The following SPTAN1 variants were observed in gnomAD, a reference collection of about 807,000 sequenced individuals.
The protein encoded by SPTAN1 is spectrin alpha, non-erythrocytic 1.
In SPTAN1, 61 loss-of-function variants were observed where a neutral mutation model predicts 331.3. The observed-to-expected ratio is 0.18, with a 90% CI of 0.15 to 0.23. The LOEUF is 0.23. SPTAN1 is among the 10% of genes least tolerant of loss of function. SPTAN1 has a pLI of 1.00. For missense variants in SPTAN1, 2,043 were observed against 3,147.9 expected (o/e 0.65, Z 8.40); for synonymous variants, 1,153 against 1,173.9 (o/e 0.98, Z 0.36).
chr9:128,627,142 C>T lies in SPTAN1; in HGVS notation c.6577-244C>T. On this transcript the variant is annotated intron_variant, in intron 49 of 56. Transcript: ENST00000372739. The surrounding 1 kb of genome is among the most constrained non-coding windows in gnomAD (Gnocchi z 4.9). ...GTTTCCATTTCTGACAGTCCAGCAA[C>T]TCCCTGCTTGACTGACCAGTCGCTT... 1 of 619,842 alleles carries T rather than the reference C, an allele frequency of 1.6e-6. No homozygotes were observed. The highest frequency in any genetic ancestry group is 3.0e-6 in the Non-Finnish European group (1 of 333,786). 38.4% of individuals were successfully genotyped at this position (619,842 alleles called of 1,614,324 possible).
chr9:128,618,949 G>A lies in SPTAN1; in HGVS notation c.5679G>A (p.Glu1893=). 1 of 1,614,112 alleles carries A rather than the reference G, an allele frequency of 6.2e-7. No individual in the cohort carries two copies. The highest frequency in any genetic ancestry group is 8.5e-7 in the Non-Finnish European group (1 of 1,179,992). The change falls in exon 44 of 57, where the codon GAG becomes GAA. Residue 1893 remains glutamate, a synonymous_variant. Transcript: ENST00000372739. ...NVEEEEAWIN[E]KMTLVASEDY... ...AAGAGGAAGAAGCCTGGATCAATGA[G>A]AAAATGACCCTGGTGGCCAGCGAAG...
chr9:128,612,341 C>A, intron 39 of SPTAN1, 95 bp downstream of exon 39: 4 of 1,501,182 alleles, frequency 2.7e-6, no homozygotes, highest in Non-Finnish European at 3.7e-6. Context: ...AAAGGCAGGG[C>A]TCACCAGACA....
rs76483781 is a variant in SPTAN1 at position 128,558,997 on chromosome 9, T to C, written c.-4+6301T>C. Among the ~76,000 whole-genome samples, 2,173 of 152,238 alleles carry C rather than the reference T, an allele frequency of 0.014. 114 individuals carry two copies. In the East Asian group the frequency reaches 0.2, roughly 14 times the overall value. On this transcript the variant is annotated intron_variant, in intron 1 of 56. Transcript: ENST00000372739. ...CCTGTCAGGTTAAGAGGGGGGAAAC[T>C]CTCACTAACCCATAATGTTTTTTGG...
At chr9:128,600,054 G>A (rs1331808880) in intron 26 of SPTAN1, 26 bp from the exon 27 acceptor site, 3 of 1,613,970 alleles carry the variant, frequency 1.9e-6, no homozygotes, top group Admixed American at 1.7e-5. Context: ...TTGCTTGGCT[G>A]CCTAAATTCC....
intron 3 of SPTAN1, among the ~76,000 whole-genome samples, chr9:128,571,291 G>T (rs117391729): frequency 6.9e-6 from 1 of 145,778 alleles, no homozygotes; most frequent in Non-Finnish European, 1.5e-5. Context: ...CTGGGAAAAA[G>T]AAAAAAAAAA....
Position 128,574,793 on chromosome 9 carries a change from T to C in SPTAN1, c.482T>C (p.Val161Ala), listed in dbSNP as rs1851116185. 16 of 1,614,036 alleles carry C rather than the reference T, an allele frequency of 9.9e-6. No individual in the cohort carries two copies. The highest frequency in any genetic ancestry group is 1.0e-5 in the Non-Finnish European group (12 of 1,179,940). ...LVQYLRECED[V>A]MDWINDKEAI... is the part of the protein sequence containing the mutation. The stretch of plus-strand genomic sequence containing the variant: ...CAGTACTTACGAGAATGTGAGGACG[T>C]GATGGACTGGATCAATGACAAGGCA... Residue 161 changes from valine to alanine, a missense_variant, in exon 4 of 57, where the codon GTG (valine) becomes GCG (alanine). Physicochemically the swap from Val to Ala is moderately conservative, Grantham distance 64. This residue lies in a region of SPTAN1 where 1,038 missense variants were observed against 1,531.5 expected (regional missense o/e 0.68). Transcript: ENST00000372739.
chr9:128,630,211 T>C (rs759585366), intron 51 of SPTAN1, 110 bp from the exon 52 acceptor site: 30 of 1,235,552 alleles, frequency 2.4e-5, no homozygotes, highest in Non-Finnish European at 3.6e-5. Flanking sequence ...TTTGGTTTCC[T>C]TAAAAGGAAT....
In SPTAN1 at chr9:128,576,916, G is replaced by A. The variant is rs756177348; in HGVS notation, c.745G>A (p.Gly249Arg). The A allele has an allele frequency of 6.2e-7, 1 of 1,614,042 alleles. No homozygotes were observed. Among genetic ancestry groups the A allele is most frequent in the Non-Finnish European group, 8.5e-7 (1 of 1,180,046 alleles). The part of the protein sequence containing the change: ...RLKGLALQRQ[G>R]KLFGAAEVQR... ...GAAGGGCCTGGCTCTGCAGAGGCAG[G>A]GGAAGCTCTTTGGGGCAGCAGAAGT... Residue 249 changes from glycine to arginine, a missense_variant, in exon 6 of 57, where the codon GGG (glycine) becomes AGG (arginine). Physicochemically the swap from Gly to Arg is moderately radical, Grantham distance 125. Transcript: ENST00000372739.
At position 128,584,679 on chromosome 9, in the gene SPTAN1, C is replaced by A. The variant is rs369412335; in HGVS notation, c.2438-42C>A. On this transcript the variant is annotated intron_variant, in intron 17 of 56. Transcript: ENST00000372739. ...GAATGACAAATCAGTGCTGACTTTT[C>A]TCTTCATGGTTGGATAACTGGGGAC... The A allele has an allele frequency of 1.3e-5, 21 of 1,614,198 alleles. No homozygotes were observed. In the South Asian group the frequency reaches 2.2e-4, roughly 17 times the overall value.
At position 128,612,129 on chromosome 9, in the gene SPTAN1, T is replaced by C. The variant is rs768791824; in HGVS notation, c.4926T>C (p.Ala1642=). The change falls in exon 39 of 57, where the codon GCT becomes GCC. Residue 1642 remains alanine, a synonymous_variant. Coordinates refer to ENST00000372739, the MANE Select transcript of SPTAN1 (RefSeq NM_001130438.3). ...CCCAGGCCCGCCTGGCTGCCTTAGC[T>C]GACCAGTGGCAGTTCTTGGTGCAAA... The part of the protein sequence containing the change: ...DAVKARLAAL[A]DQWQFLVQKS... 3 of 1,614,060 alleles carry C rather than the reference T, an allele frequency of 1.9e-6. No individual in the cohort carries two copies. Among genetic ancestry groups the C allele is most frequent in the Admixed American group, 3.3e-5 (2 of 59,996 alleles).
In SPTAN1 at chr9:128,586,122, T is replaced by G. The variant is rs572811873; in HGVS notation, c.2778+157T>G. The stretch of plus-strand genomic sequence containing the variant: ...TCCATTTTTCACTTGGTTTTTTTTT[T>G]TTTTTTTTTTTTTTTGGAGACAGAG... On this transcript the variant is annotated intron_variant, in intron 19 of 56. Transcript: ENST00000372739. Among the ~76,000 whole-genome samples, 31 of 134,550 alleles carry G rather than the reference T, an allele frequency of 2.3e-4. 1 individual carries two copies. The South Asian group carries it at 5.0e-3, about 22-fold the overall frequency. The allele number at this position is 134,550 out of a possible 152,430, so 88.3% of individuals were successfully genotyped here.
chr9:128,553,864 C>T (rs1848383181), intron 1 of SPTAN1, among the ~76,000 whole-genome samples: 1 of 151,992 alleles, frequency 6.6e-6, no homozygotes, highest in Non-Finnish European at 1.5e-5. Flanking sequence ...GAAATTGCGT[C>T]GTCATAGCAA....
rs1213965861 is a variant in SPTAN1 at position 128,580,975 on chromosome 9, C to T, written c.1377C>T (p.Arg459=). The T allele has an allele frequency of 1.9e-6, 3 of 1,613,950 alleles. 1 individual carries two copies. Among genetic ancestry groups the T allele is most frequent in the South Asian group, 2.2e-5 (2 of 91,074 alleles). Residue 459 remains arginine, a synonymous_variant, in exon 11 of 57, where the codon CGC becomes CGT. Coordinates refer to ENST00000372739, the MANE Select transcript of SPTAN1 (RefSeq NM_001130438.3). ...RAALLELWEL[R]RQQYEQCMDL... is the part of the protein sequence containing the mutation. The stretch of plus-strand genomic sequence containing the variant: ...CGCTGCTGGAGCTGTGGGAGCTGCG[C>T]AGGCAGCAGTACGAGCAGTGCATGG...
chr9:128,614,220 C>T (rs1007063803), intron 40 of SPTAN1, among the ~76,000 whole-genome samples: 5 of 151,740 alleles, frequency 3.3e-5, no homozygotes, highest in South Asian at 4.2e-4. Context: ...TTTGGGAGGC[C>T]GAGGCAGGCA....
intron 1 of SPTAN1, among the ~76,000 whole-genome samples, chr9:128,558,159 G>T (rs565877313): frequency 6.6e-6 from 1 of 152,280 alleles, no homozygotes; most frequent in African/African-American, 2.4e-5. Flanking sequence ...CTTCTTCCGA[G>T]ATCTGGTAGT....
intron 37 of SPTAN1, among the ~76,000 whole-genome samples, chr9:128,611,371 G>A (rs1355751687): frequency 6.6e-6 from 1 of 152,130 alleles, no homozygotes; most frequent in Non-Finnish European, 1.5e-5. Flanking sequence ...TCGGGAGGCT[G>A]AGGTAGGAGG....
Position 128,582,460 on chromosome 9 carries a change from C to T in SPTAN1, c.1573-19C>T. ...GACTAGTGTGCTTACCAATGAAGAA[C>T]TCTTATCTTCCTTCCTAGGCATTAG... is the stretch of plus-strand genomic sequence containing the variant. On this transcript the variant is annotated intron_variant, in intron 12 of 56. Transcript: ENST00000372739. 2 of 1,612,856 alleles carry T rather than the reference C, an allele frequency of 1.2e-6. No individual in the cohort carries two copies. Among genetic ancestry groups the T allele is most frequent in the South Asian group, 1.1e-5 (1 of 91,040 alleles).
chr9:128,584,691 G>A (rs1423499724), intron 17 of SPTAN1, 30 bp from the exon 18 acceptor site: 1 of 1,614,190 alleles, frequency 6.2e-7, no homozygotes, highest in East Asian at 2.2e-5. Context: ...CTTCATGGTT[G>A]GATAACTGGG....
chr9:128,618,826 C>A (rs559605940), intron 43 of SPTAN1, 45 bp from the exon 44 acceptor site: 1 of 1,613,948 alleles, frequency 6.2e-7, no homozygotes, highest in East Asian at 2.2e-5. Flanking sequence ...ACAATCAAAG[C>A]TGGAGGAGAT....
Sources: gnomAD v4.1 joint callset for allele counts (sites outside exome capture counted in the v4.1 genomes callset) on GRCh38, gnomAD v4.1.1 for gene constraint, gnomAD v4.1.1 regional missense constraint, Gnocchi (gnomAD v3.1) non-coding constraint, MANE v1.5 for transcripts, NCBI Gene and HGNC (gene_info 2026-07-23, HGNC 2026-07-21) for gene names.